Variants in HIBCH observed in about 807,000 individuals in gnomAD.
HIBCH encodes 3-hydroxyisobutyryl-CoA hydrolase, mitochondrial.
HIBCH carries 50 observed loss-of-function variants against 58.2 expected under a neutral mutation model. That is an observed-to-expected ratio of 0.86 (90% CI 0.68 to 1.09). The LOEUF (loss-of-function observed/expected upper bound fraction) is 1.09. HIBCH is among the 50% of genes least tolerant of loss of function. The probability of loss-of-function intolerance (pLI) is 0.00; values close to 1 mark genes in which losing one functional copy is unlikely to be tolerated. For synonymous variants in HIBCH, 151 were observed against 146.9 expected, an observed-to-expected ratio of 1.03 and a Z score of -0.20; for missense variants, 450 against 449.7, an observed-to-expected ratio of 1.00 and a Z score of -0.01.
At chr2:190,242,090 G>C (rs989497786) in intron 11 of HIBCH, among the ~76,000 whole-genome samples, 10 of 152,160 alleles carry the variant, frequency 6.6e-5, no homozygotes, top group Admixed American at 3.9e-4. Context: ...GTCACTTTCA[G>C]ATACACCAAT....
At chr2:190,192,159 G>A (rs1689740817) in intron 1 of HIBCH, among the ~76,000 whole-genome samples, 1 of 151,978 alleles carries the variant, frequency 6.6e-6, no homozygotes, top group Non-Finnish European at 1.5e-5. Flanking sequence ...ATTTTGGTGG[G>A]GGGAGAGTAT....
chr2:190,190,267 C>A (rs1290370883), intron 1 of HIBCH, among the ~76,000 whole-genome samples: 3 of 152,152 alleles, frequency 2.0e-5, no homozygotes, highest in Admixed American at 2.0e-4. Flanking sequence ...ACTATGATTT[C>A]TATTCATAGG....
At chr2:190,285,922 ACTATAAC>A (rs1008636690) in intron 6 of HIBCH, among the ~76,000 whole-genome samples, 30 of 152,102 alleles carry the variant, frequency 2.0e-4, no homozygotes, top group African/African-American at 7.2e-4. Context: ...ATCTCAGCTC[ACTATAAC>A]CTCCCGGGTT....
At chr2:190,262,996 G>A (rs904448727) in intron 6 of HIBCH, among the ~76,000 whole-genome samples, 8 of 152,118 alleles carry the variant, frequency 5.3e-5, no homozygotes, top group Non-Finnish European at 7.3e-5. Context: ...GAACCATTTC[G>A]AATGGGGTAT....
chr2:190,283,407 G>C (rs1345446375), intron 6 of HIBCH, among the ~76,000 whole-genome samples: 3 of 152,120 alleles, frequency 2.0e-5, no homozygotes, highest in Admixed American at 1.3e-4. Flanking sequence ...ACAGCAGCAC[G>C]GGCCATGTGC....
chr2:190,312,478 AC>A (rs1287822485), intron 1 of HIBCH, among the ~76,000 whole-genome samples: 2 of 152,216 alleles, frequency 1.3e-5, no homozygotes, highest in African/African-American at 4.8e-5. Flanking sequence ...GAACTGATAA[AC>A]TGACAATCTG....
rs572644467 is a variant in HIBCH, at chr2:190,232,331, A to G, written c.891+12556T>C. Among the ~76,000 whole-genome samples the G allele has an allele frequency of 3.3e-5, 5 of 152,366 alleles. No homozygotes were observed. The East Asian group carries it at 5.8e-4, about 18-fold the overall frequency. Reference sequence around the variant, plus strand: ...TAAATCCAATGAAATATATGCAAGCATAAGTCTTCCACAAAGAAGATTCAA... The same window carrying G: ...TAAATCCAATGAAATATATGCAAGCGTAAGTCTTCCACAAAGAAGATTCAA... On this transcript the variant is annotated intron_variant, in intron 11 of 13. Coordinates refer to ENST00000359678, the MANE Select transcript of HIBCH (RefSeq NM_014362.4).
At chr2:190,312,564 T>C (rs955333238) in intron 1 of HIBCH, among the ~76,000 whole-genome samples, 34 of 152,234 alleles carry the variant, frequency 2.2e-4, no homozygotes, top group Non-Finnish European at 4.0e-4. Context: ...ATATCACCAG[T>C]TACCACTTGT....
At chr2:190,260,391 A>G (rs1687054944) in intron 7 of HIBCH, 1 of 152,186 alleles carries the variant, frequency 6.6e-6, no homozygotes, top group African/African-American at 2.4e-5. Context: ...GAAATTAAAG[A>G]CCACTTACAT....
intron 5 of HIBCH, among the ~76,000 whole-genome samples, chr2:190,287,930 G>A (rs1295246502): frequency 6.6e-6 from 1 of 152,104 alleles, no homozygotes; most frequent in Non-Finnish European, 1.5e-5. Context: ...GCCAAGGTGG[G>A]AGGATTGCTT....
At chr2:190,231,474 C>A (rs1197220379) in intron 11 of HIBCH, among the ~76,000 whole-genome samples, 1 of 152,138 alleles carries the variant, frequency 6.6e-6, no homozygotes, top group Non-Finnish European at 1.5e-5. Context: ...TAAAATCCAA[C>A]TCTCATTCAA....
chr2:190,290,522 T>A, intron 4 of HIBCH, 37 bp from the exon 5 acceptor site: 5 of 1,286,548 alleles, frequency 3.9e-6, no homozygotes, highest in Non-Finnish European at 5.6e-6. Context: ...AAAAAAAGAT[T>A]TAATAGTCAA....
downstream of HIBCH, chr2:190,200,264 G>A (rs1424670667): frequency 6.2e-6 from 5 of 808,452 alleles, no homozygotes; most frequent in South Asian, 1.7e-5. Flanking sequence ...ATGTGTCTAC[G>A]ATAATGTCAC....
rs995367097 is a variant in HIBCH at position 190,209,461 on chromosome 2, G to A, written c.1012-548C>T. 1.1e-4 allele frequency among the ~76,000 whole-genome samples: 17 copies of A among 152,134 alleles called. No homozygotes were observed. The highest frequency in any genetic ancestry group is 1.1e-3 in the Admixed American group (17 of 15,276). On this transcript the variant is annotated intron_variant, in intron 12 of 13. Transcript: ENST00000359678. The surrounding 1 kb of genome is among the most constrained non-coding windows in gnomAD (Gnocchi z 5.6). ...CCAAGATCTCTTCCCAACTCCCCAAGATAATGATTTTAAGTGTTTTCTGCC... is the reference window on the plus strand; with the variant it reads ...CCAAGATCTCTTCCCAACTCCCCAAAATAATGATTTTAAGTGTTTTCTGCC...
intron 6 of HIBCH, among the ~76,000 whole-genome samples, chr2:190,286,260 T>C (rs1361408375): frequency 2.6e-5 from 4 of 152,202 alleles, no homozygotes; most frequent in Non-Finnish European, 5.9e-5. Flanking sequence ...TTCCCCCATT[T>C]ATTACTACTG....
intron 12 of HIBCH, among the ~76,000 whole-genome samples, chr2:190,212,283 C>A (rs112014855): frequency 2.0e-5 from 3 of 147,540 alleles, no homozygotes; most frequent in African/African-American, 8.1e-5. Flanking sequence ...ATAACTATTA[C>A]ATTAAAGTCA....
intron 6 of HIBCH, 89 bp from the exon 7 acceptor site, chr2:190,261,323 G>A (rs1047033103): frequency 1.1e-6 from 1 of 936,128 alleles, no homozygotes; most frequent in African/African-American, 1.6e-5. Context: ...AAATTACAAA[G>A]CAAGTAAATT....
intron 7 of HIBCH, among the ~76,000 whole-genome samples, chr2:190,253,484 C>T (rs1009693978): frequency 6.6e-6 from 1 of 152,114 alleles, no homozygotes; most frequent in African/African-American, 2.4e-5. Context: ...CATAACCTCC[C>T]CGCGCCAGTC....
intron 2 of HIBCH, among the ~76,000 whole-genome samples, chr2:190,301,052 T>C (rs1688246315): frequency 6.6e-6 from 1 of 152,214 alleles, no homozygotes; most frequent in Non-Finnish European, 1.5e-5. Context: ...ACCAGGGGCA[T>C]AAGCCATAAG....
Sources: allele counts gnomAD v4.1 joint callset (sites outside exome capture counted in the v4.1 genomes callset), GRCh38; gene constraint gnomAD v4.1.1; non-coding constraint Gnocchi (gnomAD v3.1); transcripts MANE v1.5; gene names NCBI Gene and HGNC (gene_info 2026-07-23, HGNC 2026-07-21).